TFDP1: variants seen among roughly 807,000 people sequenced by gnomAD.
The protein encoded by TFDP1 is transcription factor Dp-1.
In TFDP1, 6 loss-of-function variants were observed where a neutral mutation model predicts 48.0. The observed-to-expected ratio is 0.13, with a 90% CI of 0.07 to 0.25. The LOEUF is 0.25. Among genes scored for constraint, TFDP1 ranks in the 10% least tolerant of loss-of-function variants. The pLI, the probability that TFDP1 is intolerant of heterozygous loss-of-function variation, is 1.00. For missense variants in TFDP1, 335 were observed against 543.0 expected, an observed-to-expected ratio of 0.62 and a Z score of 3.81; for synonymous variants, 201 against 211.6, an observed-to-expected ratio of 0.95 and a Z score of 0.44.
At chr13:113,625,901 ATGTCCTCAGGTGTCTCTCACG>A (rs2049157889) in intron 4 of TFDP1, among the ~76,000 whole-genome samples, 6 of 52,286 alleles carry the variant, frequency 1.1e-4, no homozygotes, top group Admixed American at 4.6e-4. Flanking sequence ...TGTCTCTCAC[ATGTCCTCAGGTGTCTCTCACG>A]TGTCCTCAGG....
At chr13:113,613,284 G>C (rs923842393) in intron 3 of TFDP1, among the ~76,000 whole-genome samples, 1 of 152,334 alleles carries the variant, frequency 6.6e-6, no homozygotes, top group African/African-American at 2.4e-5. Flanking sequence ...AAAGTGCTGG[G>C]ATTACAGGCG....
At chr13:113,630,373 T>C (rs187306210) in intron 4 of TFDP1, among the ~76,000 whole-genome samples, 10 of 152,196 alleles carry the variant, frequency 6.6e-5, no homozygotes, top group Non-Finnish European at 1.5e-4. Flanking sequence ...CCTTGAAATG[T>C]TTTTCTTCTC....
At chr13:113,586,609 G>A (rs984153123) in intron 2 of TFDP1, among the ~76,000 whole-genome samples, 4 of 152,192 alleles carry the variant, frequency 2.6e-5, no homozygotes, top group Admixed American at 6.5e-5. Context: ...CCTACTTACC[G>A]CACAGAGTTG....
chr13:113,634,691 C>A, intron 8 of TFDP1, 89 bp downstream of exon 8: 1 of 928,110 alleles, frequency 1.1e-6, no homozygotes, highest in Non-Finnish European at 1.7e-6. Context: ...GGGTTACACT[C>A]CTGCATGGCA....
chr13:113,604,673 TAGC>T (rs1247285099), intron 2 of TFDP1, among the ~76,000 whole-genome samples: 4 of 152,088 alleles, frequency 2.6e-5, no homozygotes, highest in East Asian at 1.9e-4. Context: ...AGGTCCCACT[TAGC>T]AGCCTCCGTT....
In TFDP1 at chr13:113,625,902, T is replaced by C. The variant is rs1186666774; in HGVS notation, c.186+2616T>C. Among the ~76,000 whole-genome samples, 117 of 131,240 alleles carry C rather than the reference T, an allele frequency of 8.9e-4. 2 individuals are homozygous for C. The East Asian group carries it at 0.011, about 12-fold the overall frequency. 86.1% of individuals were successfully genotyped at this position (131,240 alleles called of 152,430 possible). A position where few individuals can be genotyped will look rare whatever the true frequency, so the allele number is the denominator to read the frequency against. On this transcript the variant is annotated intron_variant, in intron 4 of 11. Transcript: ENST00000375370. ...CACGCGTCCTCAGGTGTCTCTCACA[T>C]GTCCTCAGGTGTCTCTCACGTGTCC... is the stretch of plus-strand genomic sequence containing the variant.
Position 113,633,130 on chromosome 13 carries a change from A to G in TFDP1, c.319A>G (p.Arg107Gly). The change falls in exon 6 of 12, where the codon AGG becomes GGG. Residue 107 changes from arginine (R) to glycine (G), a missense_variant. Arg to Gly is a moderately radical substitution (Grantham distance 125, BLOSUM62 -2). Around this residue, in one of 3 missense-constraint regions of TFDP1, gnomAD observed 103 missense variants for 140.4 expected, o/e 0.73. Transcript: ENST00000375370. This position sits in a 1 kb window ranked among gnomAD's most constrained non-coding sequence, Gnocchi z 4.5. ...SSPWSAGKRN[R>G]KGEKNGKGLR... ...CTTTGTATTTTGAAGGAAGCGCAAC[A>G]GGAAAGGAGAGAAGAATGGCAAGGG... The G allele has an allele frequency of 6.2e-7, 1 of 1,613,996 alleles. No individual in the cohort carries two copies. Among genetic ancestry groups the G allele is most frequent in the Non-Finnish European group, 8.5e-7 (1 of 1,179,956 alleles).
chr13:113,623,297 C>T lies in TFDP1; in HGVS notation c.186+11C>T, dbSNP rs369310200. ...ATTGCCCAGCAAGTGGTAAGCCTCC[C>T]GCAGGAGCGGACAGCCGGGATCTCG... On this transcript the variant is annotated intron_variant, in intron 4 of 11. Transcript: ENST00000375370. The surrounding 1 kb of genome is among the most constrained non-coding windows in gnomAD (Gnocchi z 5.2). The T allele has an allele frequency of 3.8e-4, 608 of 1,601,138 alleles. No homozygotes were observed. Among genetic ancestry groups the T allele is most frequent in the Non-Finnish European group, 5.0e-4 (584 of 1,173,844 alleles).
chr13:113,629,092 G>T (rs1464391340), intron 4 of TFDP1, among the ~76,000 whole-genome samples: 1 of 152,252 alleles, frequency 6.6e-6, no homozygotes, highest in African/African-American at 2.4e-5. Flanking sequence ...CACAGGGCTG[G>T]TGAGCAGCAG....
chr13:113,588,070 G>A (rs1175813573), intron 2 of TFDP1, among the ~76,000 whole-genome samples: 2 of 152,044 alleles, frequency 1.3e-5, no homozygotes, highest in Non-Finnish European at 1.5e-5. Flanking sequence ...GGCTTGTCTT[G>A]AACTCCTGAC....
intron 4 of TFDP1, among the ~76,000 whole-genome samples, chr13:113,629,319 G>C (rs574769012): frequency 6.6e-6 from 1 of 152,226 alleles, no homozygotes; most frequent in African/African-American, 2.4e-5. Flanking sequence ...CTGGTGGCTC[G>C]TTCTCAGGGT....
chr13:113,637,876 C>T lies in TFDP1; in HGVS notation c.1065C>T (p.Asn355=). The change falls in exon 11 of 12, where the codon AAC becomes AAT. Residue 355 remains asparagine, a synonymous_variant. Transcript: ENST00000375370. The part of the protein sequence containing the change: ...VFITTAGSTS[N]GTRFSASDLT... Reference sequence around the variant, plus strand: ...TCACGACGGCAGGTTCCACGTCTAACGGCACAAGGTTCTCTGCCAGGTGAC... The same window carrying T: ...TCACGACGGCAGGTTCCACGTCTAATGGCACAAGGTTCTCTGCCAGGTGAC... 1 of 1,613,832 alleles carries T rather than the reference C, an allele frequency of 6.2e-7. No homozygotes were observed. The highest frequency in any genetic ancestry group is 8.5e-7 in the Non-Finnish European group (1 of 1,180,026).
intron 2 of TFDP1, among the ~76,000 whole-genome samples, chr13:113,610,532 G>A (rs1379349248): frequency 2.0e-5 from 3 of 150,178 alleles, no homozygotes; most frequent in Admixed American, 6.6e-5. Context: ...GCCATCATAC[G>A]TGCCCCTGCT....
intron 4 of TFDP1, among the ~76,000 whole-genome samples, chr13:113,628,490 C>G (rs1212067484): frequency 2.0e-5 from 3 of 152,226 alleles, no homozygotes; most frequent in Non-Finnish European, 4.4e-5. Context: ...TCCAGAGAAG[C>G]CGCTGTTAAA....
chr13:113,630,855 G>A (rs2049315109), intron 4 of TFDP1, among the ~76,000 whole-genome samples: 1 of 150,988 alleles, frequency 6.6e-6, no homozygotes, highest in Non-Finnish European at 1.5e-5. Flanking sequence ...CCTCAGGTGT[G>A]CTGTGGGGTG....
chr13:113,625,329 GTC>G (rs2049118838), intron 4 of TFDP1, among the ~76,000 whole-genome samples: 1 of 123,696 alleles, frequency 8.1e-6, no homozygotes, highest in Non-Finnish European at 1.6e-5. Context: ...TTTCTCAGGC[GTC>G]TCTCACGTGT....
chr13:113,595,932 G>A (rs973301001), intron 2 of TFDP1, among the ~76,000 whole-genome samples: 6 of 152,120 alleles, frequency 3.9e-5, no homozygotes, highest in Non-Finnish European at 7.4e-5. Context: ...AATACAAAAA[G>A]TTAGCTGGGC....
chr13:113,613,842 AGT>A (rs1268722471), intron 3 of TFDP1, among the ~76,000 whole-genome samples: 5 of 149,508 alleles, frequency 3.3e-5, no homozygotes, highest in East Asian at 2.0e-4. Flanking sequence ...ATATGTGTTG[AGT>A]GTGCATGTGT....
chr13:113,624,810 TCTCAGGTGTCTCTCACGTGTC>T (rs1310863062), intron 4 of TFDP1, among the ~76,000 whole-genome samples: 3 of 142,230 alleles, frequency 2.1e-5, no homozygotes, highest in African/African-American at 8.1e-5. Flanking sequence ...CTCAGGTGTT[TCTCAGGTGTCTCTCACGTGTC>T]CTCAGGTGTT....
Sources: gnomAD v4.1 joint callset for allele counts (sites outside exome capture counted in the v4.1 genomes callset) on GRCh38, gnomAD v4.1.1 for gene constraint, gnomAD v4.1.1 regional missense constraint, Gnocchi (gnomAD v3.1) non-coding constraint, MANE v1.5 for transcripts, NCBI Gene and HGNC (gene_info 2026-07-23, HGNC 2026-07-21) for gene names.